The following ETS1 variants were observed in gnomAD, a reference collection of about 807,000 sequenced individuals.
ETS1 encodes protein C-ets-1.
ETS1 carries 15 observed loss-of-function variants against 58.6 expected under a neutral mutation model. The observed-to-expected ratio is 0.26, with a 90% CI of 0.17 to 0.39. ETS1 has a LOEUF of 0.39. Among genes scored for constraint, ETS1 ranks in the 10% least tolerant of loss-of-function variants. The pLI is 1.00. For synonymous variants in ETS1, 214 were observed against 218.2 expected (o/e 0.98, Z 0.17); for missense variants, 417 against 610.5 (o/e 0.68, Z 3.34).
rs74456724 is a variant in ETS1, at chr11:128,484,348, G to A, written c.862+475C>T. On this transcript the variant is annotated intron_variant, in intron 7 of 9. Transcript: ENST00000392668. The stretch of plus-strand genomic sequence containing the variant: ...AAGTCACAGGAGGCTAAAGATCCCA[G>A]GCTGGCCAGCAGAGGTCATTCCAGG... Among the ~76,000 whole-genome samples the A allele has an allele frequency of 6.7e-3, 1,023 of 152,224 alleles. 51 individuals are homozygous for A. In the East Asian group the frequency reaches 0.083, roughly 12 times the overall value.
intron 3 of ETS1, among the ~76,000 whole-genome samples, chr11:128,509,294 T>C (rs1863326883): frequency 2.0e-5 from 3 of 152,248 alleles, no homozygotes. Flanking sequence ...TGCTGATTCA[T>C]TCTGTGTGTG....
intron 3 of ETS1, among the ~76,000 whole-genome samples, chr11:128,502,487 T>C (rs751828145): frequency 1.9e-4 from 29 of 152,194 alleles, no homozygotes; most frequent in Non-Finnish European, 3.8e-4. Flanking sequence ...GGTCTGTTAA[T>C]TATACATGTT....
intron 3 of ETS1, among the ~76,000 whole-genome samples, chr11:128,532,241 T>C (rs1863908953): frequency 2.6e-5 from 4 of 152,234 alleles, no homozygotes; most frequent in Admixed American, 2.6e-4. Flanking sequence ...TGGTGTTAAC[T>C]ACCTATGCTG....
At chr11:128,527,962 C>A (rs776340085) in intron 3 of ETS1, among the ~76,000 whole-genome samples, 3 of 152,118 alleles carry the variant, frequency 2.0e-5, no homozygotes, top group Admixed American at 6.5e-5. Context: ...ACATTTACCA[C>A]CCCAGAGATC....
chr11:128,566,510 G>A (rs1057240930), intron 2 of ETS1, among the ~76,000 whole-genome samples: 24 of 152,212 alleles, frequency 1.6e-4, no homozygotes, highest in Admixed American at 8.5e-4. Flanking sequence ...AGGGCCGGGC[G>A]CAGTGGCTCA....
chr11:128,486,813 C>T (rs902441799), intron 5 of ETS1, among the ~76,000 whole-genome samples: 1 of 152,188 alleles, frequency 6.6e-6, no homozygotes, highest in African/African-American at 2.4e-5. Flanking sequence ...ACGAAGTGCA[C>T]CTGCGGACAG....
chr11:128,473,361 C>G (rs1318576652), intron 8 of ETS1, among the ~76,000 whole-genome samples: 1 of 152,170 alleles, frequency 6.6e-6, no homozygotes, highest in Non-Finnish European at 1.5e-5. Context: ...GCACTTAGAG[C>G]CTAGCTTCCT....
At chr11:128,579,260 T>C (rs889467809) in intron 1 of ETS1, among the ~76,000 whole-genome samples, 1 of 152,170 alleles carries the variant, frequency 6.6e-6, no homozygotes, top group African/African-American at 2.4e-5. Flanking sequence ...CAATGCAAAA[T>C]TTGAATAGAT....
At chr11:128,467,208 C>G (rs1263910129) in intron 8 of ETS1, among the ~76,000 whole-genome samples, 1 of 152,220 alleles carries the variant, frequency 6.6e-6, no homozygotes, top group East Asian at 1.9e-4. Flanking sequence ...ATACAGGAGC[C>G]TGTCTCCACA....
chr11:128,549,164 A>G lies in ETS1; in HGVS notation c.214+7127T>C, dbSNP rs1864186273. On this transcript the variant is annotated intron_variant, in intron 3 of 9. Transcript: ENST00000392668. This position sits in a 1 kb window ranked among gnomAD's most constrained non-coding sequence, Gnocchi z 4.3. The stretch of plus-strand genomic sequence containing the variant: ...GCCTCGGCAGCTATAAACACAGTGA[A>G]CATCTGGAGAGAGAGCCCGTGTCTC... 6.6e-6 allele frequency among the ~76,000 whole-genome samples: 1 copy of G among 152,114 alleles called. No homozygotes were observed. The highest frequency in any genetic ancestry group is 1.9e-4 in the East Asian group (1 of 5,166).
intron 3 of ETS1, among the ~76,000 whole-genome samples, chr11:128,512,283 A>G (rs1248048203): frequency 6.6e-6 from 1 of 152,186 alleles, no homozygotes; most frequent in African/African-American, 2.4e-5. Flanking sequence ...ACTATCAGAA[A>G]ATAAACAGAA....
intron 3 of ETS1, among the ~76,000 whole-genome samples, chr11:128,510,159 G>A (rs892544152): frequency 5.9e-5 from 9 of 152,116 alleles, no homozygotes; most frequent in African/African-American, 1.9e-4. Flanking sequence ...CACCCTTGGG[G>A]AGCTCATATG....
At chr11:128,472,938 A>C (rs1486411636) in intron 8 of ETS1, among the ~76,000 whole-genome samples, 1 of 152,048 alleles carries the variant, frequency 6.6e-6, no homozygotes, top group Non-Finnish European at 1.5e-5. Flanking sequence ...AAACTAACAC[A>C]GTATTTTGAA....
rs537081247 is a variant in ETS1 at position 128,585,288 on chromosome 11, AAGAT to A, written c.-15+2196_-15+2199del. Among the ~76,000 whole-genome samples the A allele has an allele frequency of 2.5e-3, 354 of 143,884 alleles. 1 individual carries two copies. Among genetic ancestry groups the A allele is most frequent in the African/African-American group, 7.6e-3 (291 of 38,402 alleles). The allele number at this position is 143,884 out of a possible 152,430, so 94.4% of individuals were successfully genotyped here. A position where few individuals can be genotyped will look rare whatever the true frequency, so the allele number is the denominator to read the frequency against. On this transcript the variant is annotated intron_variant, in intron 1 of 9. Transcript: ENST00000392668. Reference sequence around the variant, plus strand: ...GGAAAGAAAGAAGGAAAAGAAAAGAAAGATAGAAAGGGAGGGAAGGGAGGGAAGA... The same window carrying A: ...GGAAAGAAAGAAGGAAAAGAAAAGAAAGAAAGGGAGGGAAGGGAGGGAAGA...
intron 3 of ETS1, among the ~76,000 whole-genome samples, chr11:128,529,755 A>T (rs1176244597): frequency 6.6e-6 from 1 of 152,204 alleles, no homozygotes; most frequent in Non-Finnish European, 1.5e-5. Context: ...ATGTCACTGC[A>T]GTCATCCACA....
chr11:128,584,992 AAGGAAGGAAG>A (rs1864954488), intron 1 of ETS1, among the ~76,000 whole-genome samples: 3 of 46,530 alleles, frequency 6.4e-5, no homozygotes, highest in Non-Finnish European at 1.2e-4. Context: ...GAAAGAAAGG[AAGGAAGGAAG>A]GAAAGAAAGG....
At chr11:128,538,696 A>G (rs1864007069) in intron 3 of ETS1, among the ~76,000 whole-genome samples, 1 of 152,104 alleles carries the variant, frequency 6.6e-6, no homozygotes, top group Non-Finnish European at 1.5e-5. Context: ...GCTAAAAGTG[A>G]AGAATGAATA....
intron 2 of ETS1, among the ~76,000 whole-genome samples, chr11:128,556,714 G>T (rs890223063): frequency 6.6e-6 from 1 of 152,248 alleles, no homozygotes; most frequent in South Asian, 2.1e-4. Context: ...AGAACCCATG[G>T]TTAACAGCAG....
intron 8 of ETS1, among the ~76,000 whole-genome samples, chr11:128,466,087 G>A (rs1055829759): frequency 1.3e-5 from 2 of 152,216 alleles, no homozygotes; most frequent in Admixed American, 1.3e-4. Context: ...TCTCACAGCA[G>A]TTGCAGGACA....
Sources: gnomAD v4.1 joint callset for allele counts (sites outside exome capture counted in the v4.1 genomes callset) on GRCh38, gnomAD v4.1.1 for gene constraint, Gnocchi (gnomAD v3.1) non-coding constraint, MANE v1.5 for transcripts, NCBI Gene and HGNC (gene_info 2026-07-23, HGNC 2026-07-21) for gene names.